The following PCDHGA2 variants were observed in gnomAD, a reference collection of about 807,000 sequenced individuals.
PCDHGA2 encodes the protein protocadherin gamma-A2.
A neutral mutation model predicts 59.2 loss-of-function variants in PCDHGA2; 40 were observed. The observed-to-expected ratio is 0.68, with a 90% confidence interval of 0.52 to 0.88. PCDHGA2 has a LOEUF of 0.88. Ranked by LOEUF, PCDHGA2 falls within the 40% of genes least tolerant of loss-of-function variation. The pLI is 0.00. For synonymous variants in PCDHGA2, 560 were observed against 526.0 expected, an observed-to-expected ratio of 1.06 and a Z score of -0.89; for missense variants, 1,226 against 1,204.0, an observed-to-expected ratio of 1.02 and a Z score of -0.27.
At chr5:141,360,664 T>C (rs1192992193) in intron 1 of PCDHGA2, 1 of 1,613,936 alleles carries the variant, frequency 6.2e-7, no homozygotes. Flanking sequence ...TGACAACGAG[T>C]ACTTTGATCT....
intron 1 of PCDHGA2, among the ~76,000 whole-genome samples, chr5:141,454,730 A>C (rs2098797371): frequency 6.7e-6 from 1 of 150,092 alleles, no homozygotes; most frequent in Admixed American, 6.7e-5. Context: ...TATATGTTAT[A>C]GGATGAAAAG....
intron 1 of PCDHGA2, among the ~76,000 whole-genome samples, chr5:141,401,668 A>G (rs2094180828): frequency 6.6e-6 from 1 of 152,254 alleles, no homozygotes; most frequent in Non-Finnish European, 1.5e-5. Flanking sequence ...TTTTCTCAAC[A>G]TCCTTGTAGG....
intron 1 of PCDHGA2, chr5:141,372,120 G>A (rs1169863583): frequency 3.1e-6 from 5 of 1,613,776 alleles, no homozygotes; most frequent in African/African-American, 1.3e-5. Flanking sequence ...TGCGCTCTTC[G>A]ATATGGTGCC....
chr5:141,370,011 A>G (rs1234949612), intron 1 of PCDHGA2, among the ~76,000 whole-genome samples: 2 of 152,266 alleles, frequency 1.3e-5, no homozygotes, highest in African/African-American at 4.8e-5. Flanking sequence ...TAAAAGAAAT[A>G]ACAGACTAAA....
chr5:141,366,763 C>T (rs1764787065), intron 1 of PCDHGA2: 3 of 1,604,810 alleles, frequency 1.9e-6, no homozygotes, highest in Non-Finnish European at 2.6e-6. Context: ...TTAGTTTTCT[C>T]TTTCGGTAAG....
At chr5:141,371,583 G>T (rs1767867513) in intron 1 of PCDHGA2, 3 of 1,613,828 alleles carry the variant, frequency 1.9e-6, no homozygotes, top group Non-Finnish European at 2.5e-6. Context: ...AATCGTTCAA[G>T]ATACCAAAAA....
At chr5:141,359,957 A>G (rs1191685294) in intron 1 of PCDHGA2, 4 of 582,164 alleles carry the variant, frequency 6.9e-6, no homozygotes, top group Non-Finnish European at 1.1e-5. Flanking sequence ...CAAAAGAACG[A>G]AGAGAAGCGT....
Position 141,486,572 on chromosome 5 carries a change from A to G in PCDHGA2, c.2425-8235A>G. 1 of 1,613,876 alleles carries G rather than the reference A, an allele frequency of 6.2e-7. No individual in the cohort carries two copies. Among genetic ancestry groups the G allele is most frequent in the Non-Finnish European group, 8.5e-7 (1 of 1,180,002 alleles). ...GTCACATGAGGTGTTTGTTCCTGAG[A>G]ACAATCGCCCAGGGGACCTGCTTTG... is the stretch of plus-strand genomic sequence containing the variant. On this transcript the variant is annotated intron_variant, in intron 1 of 3. Coordinates refer to ENST00000394576, the MANE Select transcript of PCDHGA2 (RefSeq NM_018915.4). This position sits in a 1 kb window ranked among gnomAD's most constrained non-coding sequence, Gnocchi z 5.0.
At chr5:141,458,359 A>C (rs2098943826) in intron 1 of PCDHGA2, among the ~76,000 whole-genome samples, 1 of 152,142 alleles carries the variant, frequency 6.6e-6, no homozygotes, top group Non-Finnish European at 1.5e-5. Context: ...AATAAGCAAG[A>C]AGGAAGGGAG....
chr5:141,415,848 A>C (rs1222834072), intron 1 of PCDHGA2: 1 of 1,241,178 alleles, frequency 8.1e-7, no homozygotes, highest in Non-Finnish European at 1.0e-6. Context: ...GCTTTGCAGA[A>C]CCTTGTAGTT....
Position 141,485,567 on chromosome 5 carries a change from C to G in PCDHGA2, c.2425-9240C>G. The stretch of plus-strand genomic sequence containing the variant: ...CGTAGATGTGAATGATCACGCCCCC[C>G]GTTTTCCGCGGCAGCAGCTGGACTT... On this transcript the variant is annotated intron_variant, in intron 1 of 3. Transcript: ENST00000394576. This position sits in a 1 kb window ranked among gnomAD's most constrained non-coding sequence, Gnocchi z 5.7. 1 of 1,612,882 alleles carries G rather than the reference C, an allele frequency of 6.2e-7. No individual in the cohort carries two copies. The highest frequency in any genetic ancestry group is 8.5e-7 in the Non-Finnish European group (1 of 1,178,978).
chr5:141,346,701 G>T (rs1372558580), intron 1 of PCDHGA2, among the ~76,000 whole-genome samples: 1 of 152,176 alleles, frequency 6.6e-6, no homozygotes, highest in Non-Finnish European at 1.5e-5. Context: ...CTTCCTAGAG[G>T]AATCTGCCAC....
intron 1 of PCDHGA2, chr5:141,398,338 G>A (rs1261830149): frequency 4.4e-6 from 6 of 1,375,730 alleles, no homozygotes; most frequent in Non-Finnish European, 6.0e-6. Context: ...CGTCAGTTCG[G>A]AGAAGCCTTA....
intron 1 of PCDHGA2, among the ~76,000 whole-genome samples, chr5:141,444,862 A>G (rs781224880): frequency 1.8e-4 from 28 of 152,198 alleles, no homozygotes; most frequent in Non-Finnish European, 2.9e-4. Flanking sequence ...AAGTCTTACT[A>G]CAGGACAAAG....
At chr5:141,497,465 G>A (rs189158903) in intron 2 of PCDHGA2, among the ~76,000 whole-genome samples, 1 of 152,024 alleles carries the variant, frequency 6.6e-6, no homozygotes, top group East Asian at 1.9e-4. Flanking sequence ...TTGGAGATAT[G>A]GAGGAGAAGG....
intron 1 of PCDHGA2, among the ~76,000 whole-genome samples, chr5:141,462,068 C>T (rs1006462521): frequency 6.6e-6 from 1 of 152,196 alleles, no homozygotes; most frequent in African/African-American, 2.4e-5. Context: ...GGTGATCTGC[C>T]CGCCTTGGCC....
chr5:141,366,075 C>T (rs1373930718), intron 1 of PCDHGA2: 1 of 1,614,264 alleles, frequency 6.2e-7, no homozygotes, highest in Admixed American at 1.7e-5. Context: ...CCTCGCTCCG[C>T]AGAACCTGGC....
intron 1 of PCDHGA2, chr5:141,356,856 G>A (rs751780680): frequency 1.9e-6 from 3 of 1,614,198 alleles, no homozygotes; most frequent in East Asian, 2.2e-5. Context: ...GCCTCTTTGT[G>A]CTGGACCAGA....
intron 1 of PCDHGA2, chr5:141,365,766 C>T (rs6882138): frequency 0.023 from 36,892 of 1,613,774 alleles, 970 homozygotes; most frequent in African/African-American, 0.14. Context: ...GCCCATGACC[C>T]CGACAGCGGC....
Sources: allele counts gnomAD v4.1 joint callset (sites outside exome capture counted in the v4.1 genomes callset), GRCh38; gene constraint gnomAD v4.1.1; non-coding constraint Gnocchi (gnomAD v3.1); transcripts MANE v1.5; gene names NCBI Gene and HGNC (gene_info 2026-07-23, HGNC 2026-07-21).